KCTD1: variants seen among roughly 807,000 people sequenced by gnomAD.
The protein encoded by KCTD1 is potassium channel tetramerization domain containing 1.
Under a neutral mutation model 66.0 loss-of-function variants are expected in KCTD1, and 24 were observed. The ratio of observed to expected loss-of-function variants is 0.36; its 90% CI spans 0.26 to 0.51. The LOEUF is 0.51. Ranked by LOEUF, KCTD1 falls within the 20% of genes least tolerant of loss-of-function variation. The pLI, the probability that KCTD1 is intolerant of heterozygous loss-of-function variation, is 0.95. For synonymous variants in KCTD1, 511 were observed against 517.2 expected, an observed-to-expected ratio of 0.99 and a Z score of 0.16; for missense variants, 943 against 1,205.2, an observed-to-expected ratio of 0.78 and a Z score of 3.22.
At chr18:26,656,752 G>A (rs1436380209) in intron 1 of KCTD1, among the ~76,000 whole-genome samples, 2 of 151,120 alleles carry the variant, frequency 1.3e-5, no homozygotes, top group Non-Finnish European at 3.0e-5. Context: ...GCAGCCCCGG[G>A]CGCCGCCGCC....
At chr18:26,583,406 AAAAAAAAAAAAG>A (rs1162993707) in intron 1 of KCTD1, among the ~76,000 whole-genome samples, 1 of 151,292 alleles carries the variant, frequency 6.6e-6, no homozygotes, top group Non-Finnish European at 1.5e-5. Context: ...AAAAAAAAAA[AAAAAAAAAAAAG>A]AAAAAGAAAA....
chr18:26,547,525 T>C lies in KCTD1; in HGVS notation c.1012A>G (p.Met338Val), dbSNP rs1343699491. 5 of 1,551,598 alleles carry C rather than the reference T, an allele frequency of 3.2e-6. No homozygotes were observed. Among genetic ancestry groups the C allele is most frequent in the Admixed American group, 3.9e-5 (2 of 51,014 alleles). ...ELEEDSFGLAMDEDGRKFVYF... is the reference protein window; with the variant it reads ...ELEEDSFGLAVDEDGRKFVYF... ...ACGAACTTGCGACCGTCCTCGTCCA[T>C]GGCCAGCCCAAAAGAGTCCTCCTCC... Residue 338 changes from methionine to valine, a missense_variant, in exon 1 of 5, where the codon ATG becomes GTG. Transcript: ENST00000580059.
rs533707415 is a variant in KCTD1 at position 26,515,592 on chromosome 18, G to A, written c.1810-14342C>T. Among the ~76,000 whole-genome samples, 6 of 144,236 alleles carry A rather than the reference G, an allele frequency of 4.2e-5. No individual in the cohort carries two copies. In the East Asian group the frequency reaches 6.3e-4, roughly 15 times the overall value. 94.6% of individuals were successfully genotyped at this position (144,236 alleles called of 152,430 possible). On this transcript the variant is annotated intron_variant, in intron 1 of 4. Coordinates refer to ENST00000580059, the MANE Select transcript of KCTD1 (RefSeq NM_001142730.3). Reference sequence around the variant, plus strand: ...GCTTGCTCGGCTCACTGCAACCTCCGCCTCCTGGATTCAAGCGATTTTCCT... The same window carrying A: ...GCTTGCTCGGCTCACTGCAACCTCCACCTCCTGGATTCAAGCGATTTTCCT...
chr18:26,593,255 C>T (rs889367979), intron 1 of KCTD1, among the ~76,000 whole-genome samples: 13 of 150,456 alleles, frequency 8.6e-5, no homozygotes, highest in African/African-American at 2.9e-4. Context: ...TGAAGCTTCT[C>T]ATAAGGGAGG....
At chr18:26,646,925 G>A (rs1987935628) in intron 1 of KCTD1, among the ~76,000 whole-genome samples, 1 of 152,162 alleles carries the variant, frequency 6.6e-6, no homozygotes, top group Non-Finnish European at 1.5e-5. Context: ...GATTTCTTAA[G>A]GTGGAAGTGT....
Position 26,499,648 on chromosome 18 carries a change from G to A in KCTD1, c.1988+1424C>T, listed in dbSNP as rs113545685. On this transcript the variant is annotated intron_variant, in intron 2 of 4. Transcript: ENST00000580059. The stretch of plus-strand genomic sequence containing the variant: ...GAGATTTTAAAACAAAAAACAAAAA[G>A]TCGGCCTTCATGTAGTATGCAAGGT... 1.1e-3 allele frequency among the ~76,000 whole-genome samples: 162 copies of A among 152,214 alleles called. 1 individual carries two copies. Among genetic ancestry groups the A allele is most frequent in the African/African-American group, 3.6e-3 (148 of 41,522 alleles).
At chr18:26,516,180 G>T (rs61271862) in intron 1 of KCTD1, among the ~76,000 whole-genome samples, 1 of 152,052 alleles carries the variant, frequency 6.6e-6, no homozygotes, top group African/African-American at 2.4e-5. Context: ...GGAAAATATA[G>T]GAGATGAGAA....
chr18:26,546,489 G>C (rs958479931), intron 1 of KCTD1, among the ~76,000 whole-genome samples: 3 of 152,088 alleles, frequency 2.0e-5, no homozygotes, highest in Non-Finnish European at 2.9e-5. Context: ...GAAGTTTTTC[G>C]CCTTACTGCA....
chr18:26,629,718 C>T (rs1210428919), upstream of KCTD1, among the ~76,000 whole-genome samples: 4 of 109,716 alleles, frequency 3.6e-5, no homozygotes, highest in Non-Finnish European at 5.2e-5. Flanking sequence ...AGATTGACCC[C>T]CCCGCCTTTT....
At chr18:26,609,123 A>C in intron 1 of KCTD1, among the ~76,000 whole-genome samples, 1 of 151,848 alleles carries the variant, frequency 6.6e-6, no homozygotes. Flanking sequence ...ATAGGATAAA[A>C]CTCTCTGGAT....
At position 26,546,747 on chromosome 18, in the gene KCTD1, G is replaced by C; in HGVS notation, c.1790C>G (p.Ala597Gly). The C allele has an allele frequency of 1.9e-6, 3 of 1,549,558 alleles. No homozygotes were observed. The highest frequency in any genetic ancestry group is 1.7e-6 in the Non-Finnish European group (2 of 1,146,258). Reference sequence around the variant, plus strand: ...GGTTACCTGGGTGGGGGAAACAATAGCAGGTGAAACTATTGTGGGAGAATT... The same window carrying C: ...GGTTACCTGGGTGGGGGAAACAATACCAGGTGAAACTATTGTGGGAGAATT... ...STNSPTIVSP[A>G]IVSPTQDSRP... The change falls in exon 1 of 5, where the codon GCT (alanine) becomes GGT (glycine). Residue 597 changes from alanine to glycine, a missense_variant. Around this residue, in one of 10 missense-constraint regions of KCTD1, gnomAD observed 197 missense variants for 182.7 expected, o/e 1.08. Transcript: ENST00000580059.
intron 1 of KCTD1, among the ~76,000 whole-genome samples, chr18:26,579,799 AG>A (rs1420171360): frequency 6.6e-6 from 1 of 152,106 alleles, no homozygotes; most frequent in Non-Finnish European, 1.5e-5. Flanking sequence ...TCCAGCTGGA[AG>A]GGGAAAACTG....
intron 1 of KCTD1, among the ~76,000 whole-genome samples, chr18:26,580,629 C>A (rs552219266): frequency 4.1e-4 from 63 of 152,172 alleles, no homozygotes; most frequent in Non-Finnish European, 7.2e-4. Context: ...CAGAAACTCA[C>A]ATACCAGAGG....
At chr18:26,462,155 G>T (rs140644475) in intron 3 of KCTD1, among the ~76,000 whole-genome samples, 223 of 152,342 alleles carry the variant, frequency 1.5e-3, no homozygotes, top group African/African-American at 5.1e-3. Flanking sequence ...CCCTGGATGG[G>T]CAGTGAGGCT....
At chr18:26,654,847 T>C (rs1483585914) in intron 1 of KCTD1, among the ~76,000 whole-genome samples, 1 of 152,210 alleles carries the variant, frequency 6.6e-6, no homozygotes, top group Non-Finnish European at 1.5e-5. Flanking sequence ...CTGCTCACAA[T>C]TCTTTCCATT....
At chr18:26,523,474 T>C (rs928599899) in intron 1 of KCTD1, among the ~76,000 whole-genome samples, 8 of 152,142 alleles carry the variant, frequency 5.3e-5, no homozygotes, top group Non-Finnish European at 1.2e-4. Context: ...AAATAAGATA[T>C]ATGTGAGAAG....
intron 1 of KCTD1, among the ~76,000 whole-genome samples, chr18:26,514,245 A>AT (rs2144726630): frequency 6.6e-6 from 1 of 152,222 alleles, no homozygotes; most frequent in East Asian, 1.9e-4. Context: ...GGTAATAAAA[A>AT]TTTTTAAAGG....
intron 1 of KCTD1, among the ~76,000 whole-genome samples, chr18:26,586,262 T>A (rs1986469560): frequency 1.3e-5 from 2 of 152,360 alleles, no homozygotes; most frequent in South Asian, 4.1e-4. Context: ...TTTATTATTA[T>A]TATATCTGTA....
At chr18:26,560,572 T>C (rs993660387) in intron 1 of KCTD1, among the ~76,000 whole-genome samples, 7 of 152,150 alleles carry the variant, frequency 4.6e-5, no homozygotes, top group Admixed American at 3.9e-4. Context: ...GCAACTAAGA[T>C]TGGGACCCAC....
Sources: gnomAD v4.1 joint callset for allele counts (sites outside exome capture counted in the v4.1 genomes callset) on GRCh38, gnomAD v4.1.1 for gene constraint, gnomAD v4.1.1 regional missense constraint, MANE v1.5 for transcripts, NCBI Gene and HGNC (gene_info 2026-07-23, HGNC 2026-07-21) for gene names.